TF: variants seen among roughly 807,000 people sequenced by gnomAD.
TF encodes transferrin.
In TF, 55 loss-of-function variants were observed where a neutral mutation model predicts 82.4. The ratio of observed to expected loss-of-function variants is 0.67; its 90% CI spans 0.54 to 0.84. The LOEUF is 0.84. Ranked by LOEUF, TF falls within the 40% of genes least tolerant of loss-of-function variation. TF has a pLI of 0.00. For missense variants in TF, 737 were observed against 868.4 expected, an observed-to-expected ratio of 0.85 and a Z score of 1.90; for synonymous variants, 332 against 332.6, an observed-to-expected ratio of 1.00 and a Z score of 0.02.
chr3:133,790,692 C>T lies in TF; in HGVS notation c.*12072C>T, dbSNP rs576445262. The T allele has an allele frequency of 3.9e-5, 6 of 152,132 alleles. No individual in the cohort carries two copies. The highest frequency in any genetic ancestry group is 5.9e-5 in the Non-Finnish European group (4 of 68,034). 9.4% of individuals were successfully genotyped at this position (152,132 alleles called of 1,614,324 possible). A position where few individuals can be genotyped will look rare whatever the true frequency, so the allele number is the denominator to read the frequency against. On this transcript the variant is annotated 3_prime_UTR_variant, in exon 17 of 17. Coordinates refer to ENST00000402696, the MANE Select transcript of TF (RefSeq NM_001063.4). ...TTTTTACTATAGTTAAGCATGAAGCCGGATTTGGTGTGGAGCCAAATTTCA... is the reference window on the plus strand; with the variant it reads ...TTTTTACTATAGTTAAGCATGAAGCTGGATTTGGTGTGGAGCCAAATTTCA...
rs41295780 is a variant in TF at position 133,758,965 on chromosome 3, C to T, written c.1049-210C>T. On this transcript the variant is annotated intron_variant, in intron 8 of 16. Coordinates refer to ENST00000402696, the MANE Select transcript of TF (RefSeq NM_001063.4). ...AGGCTGGAGAGGAAAGTTGGCTTCT[C>T]GGAAGACATAAAAAACTAAATTTAA... Among the ~76,000 whole-genome samples the T allele has an allele frequency of 1.1e-4, 17 of 152,232 alleles. No homozygotes were observed. In the East Asian group the frequency reaches 1.5e-3, roughly 14 times the overall value.
rs1933827872 is a variant in TF, at chr3:133,756,290, A to C, written c.644A>C (p.Lys215Thr). 1 of 1,613,948 alleles carries C rather than the reference A, an allele frequency of 6.2e-7. No individual in the cohort carries two copies. The highest frequency in any genetic ancestry group is 1.3e-5 in the African/African-American group (1 of 74,900). ...FGYSGAFKCL[K>T]DGAGDVAFVK... ...GTGTTTCTTTGACCCAGGTGTCTGA[A>C]GGATGGTGCTGGGGATGTGGCCTTT... The change falls in exon 6 of 17, where the codon AAG becomes ACG. Residue 215 changes from lysine (K) to threonine (T), a missense_variant. By Grantham distance (78) the Lys-to-Thr change is moderately conservative. Transcript: ENST00000402696.
chr3:133,759,872 T>C (rs1010247654), intron 9 of TF, among the ~76,000 whole-genome samples: 7 of 152,128 alleles, frequency 4.6e-5, no homozygotes, highest in African/African-American at 1.4e-4. Flanking sequence ...ACAGAGAATT[T>C]TTAAAATCCT....
chr3:133,751,730 G>A (rs1414549218), intron 2 of TF, among the ~76,000 whole-genome samples: 1 of 152,068 alleles, frequency 6.6e-6, no homozygotes, highest in Non-Finnish European at 1.5e-5. Flanking sequence ...GGTGGCTCAC[G>A]CCTGTAATCC....
chr3:133,709,052 TC>T, the TF span, among the ~76,000 whole-genome samples: 1 of 152,186 alleles, frequency 6.6e-6, no homozygotes, highest in South Asian at 2.1e-4. Context: ...TCAAGACACA[TC>T]CTGTAGCTGT....
At chr3:133,722,432 A>T in the TF span, among the ~76,000 whole-genome samples, 3 of 151,948 alleles carry the variant, frequency 2.0e-5, no homozygotes, top group Non-Finnish European at 4.4e-5. Context: ...ATAGATAAGA[A>T]CTTACTCCTG....
At chr3:133,662,027 C>T in the TF span, 4 of 152,232 alleles carry the variant, frequency 2.6e-5, no homozygotes, top group Admixed American at 1.3e-4. Context: ...AAATGTCAAA[C>T]GTGGAGGTGA....
chr3:133,766,436 G>A lies in TF; in HGVS notation c.1486+3G>A. 1 of 1,614,152 alleles carries A rather than the reference G, an allele frequency of 6.2e-7. No individual in the cohort carries two copies. The highest frequency in any genetic ancestry group is 8.5e-7 in the Non-Finnish European group (1 of 1,179,998). Reference sequence around the variant, plus strand: ...TAAGATCAACCACTGCAGATTTGGTGAGTGAATATTGGGAAGGAGGGCTGG... The same window carrying A: ...TAAGATCAACCACTGCAGATTTGGTAAGTGAATATTGGGAAGGAGGGCTGG... On this transcript the variant is annotated splice_donor_region_variant and intron_variant, in intron 12 of 16. Coordinates refer to ENST00000402696, the MANE Select transcript of TF (RefSeq NM_001063.4).
chr3:133,786,415 G>A lies in TF; in HGVS notation c.*7795G>A, dbSNP rs1047855165. 1 of 152,148 alleles carries A rather than the reference G, an allele frequency of 6.6e-6. No individual in the cohort carries two copies. Among genetic ancestry groups the A allele is most frequent in the Non-Finnish European group, 1.5e-5 (1 of 68,042 alleles). The allele number at this position is 152,148 out of a possible 1,614,324, so 9.4% of individuals were successfully genotyped here. ...TGTTAATAATACACATTGTGTTTGT[G>A]CACTGGTTCAGGGGAGGAGAGAGGA... On this transcript the variant is annotated 3_prime_UTR_variant, in exon 17 of 17. Transcript: ENST00000402696.
At chr3:133,699,230 C>A in the TF span, among the ~76,000 whole-genome samples, 1 of 152,364 alleles carries the variant, frequency 6.6e-6, no homozygotes, top group East Asian at 1.9e-4. Context: ...GCCAGGCACA[C>A]TGCCCAGCCC....
chr3:133,724,430 G>C, the TF span, among the ~76,000 whole-genome samples: 2 of 152,146 alleles, frequency 1.3e-5, no homozygotes, highest in Non-Finnish European at 2.9e-5. Context: ...TTTTTCATGT[G>C]CCTTTTGGCT....
At chr3:133,715,320 C>T in the TF span, among the ~76,000 whole-genome samples, 1 of 152,114 alleles carries the variant, frequency 6.6e-6, no homozygotes, top group African/African-American at 2.4e-5. Flanking sequence ...TCTACAACAC[C>T]CTGCTGCCAT....
chr3:133,687,456 A>G, the TF span, among the ~76,000 whole-genome samples: 1 of 152,210 alleles, frequency 6.6e-6, no homozygotes, highest in Non-Finnish European at 1.5e-5. Context: ...TTAACCATTC[A>G]AAAGTGTACA....
intron 2 of TF, 109 bp downstream of exon 2, chr3:133,748,693 G>C: frequency 7.2e-7 from 1 of 1,381,134 alleles, no homozygotes. Flanking sequence ...ATATGGGGCA[G>C]TCAACCTTGA....
the TF span, among the ~76,000 whole-genome samples, chr3:133,740,835 A>T: frequency 0.024 from 3,559 of 150,480 alleles, 150 homozygotes; most frequent in African/African-American, 0.082. Flanking sequence ...GGTACATAAA[A>T]GTTTTAGATG....
the TF span, among the ~76,000 whole-genome samples, chr3:133,736,678 T>C: frequency 9.7e-6 from 1 of 103,100 alleles, no homozygotes; most frequent in Non-Finnish European, 2.1e-5. Flanking sequence ...TAGTCTCTGA[T>C]AAAACAGACT....
intron 13 of TF, 41 bp downstream of exon 13, chr3:133,768,205 G>T (rs762429005): frequency 2.0e-5 from 32 of 1,612,332 alleles, no homozygotes; most frequent in Non-Finnish European, 1.0e-5. Context: ...TAATATACAA[G>T]CCCTGGCCAG....
At chr3:133,715,433 A>C in the TF span, among the ~76,000 whole-genome samples, 1 of 152,170 alleles carries the variant, frequency 6.6e-6, no homozygotes, top group Non-Finnish European at 1.5e-5. Context: ...GCACCGGTTC[A>C]GGATTGTTGC....
chr3:133,743,122 G>A (rs1007179898), upstream of TF, among the ~76,000 whole-genome samples: 2 of 152,192 alleles, frequency 1.3e-5, no homozygotes, highest in African/African-American at 2.4e-5. Context: ...GGAAGTTTGA[G>A]TTCAGGTCTC....
Sources: gnomAD v4.1 joint callset for allele counts (sites outside exome capture counted in the v4.1 genomes callset) on GRCh38, gnomAD v4.1.1 for gene constraint, MANE v1.5 for transcripts, NCBI Gene and HGNC (gene_info 2026-07-23, HGNC 2026-07-21) for gene names.